The following TRPM3 variants were observed in gnomAD, a reference collection of about 807,000 sequenced individuals.
TRPM3 encodes long transient receptor potential channel 3.
TRPM3 carries 77 observed loss-of-function variants against 181.2 expected under a neutral mutation model. The ratio of observed to expected loss-of-function variants is 0.42; its 90% CI spans 0.35 to 0.51. TRPM3 has a LOEUF of 0.51. Ranked by LOEUF, TRPM3 falls within the 20% of genes least tolerant of loss-of-function variation. The pLI is 0.01. For synonymous variants in TRPM3, 745 were observed against 796.4 expected (o/e 0.94, Z 1.09); for missense variants, 1,759 against 2,196.7 (o/e 0.80, Z 3.98).
intron 1 of TRPM3, among the ~76,000 whole-genome samples, chr9:70,901,293 G>A (rs2096382640): frequency 6.6e-6 from 1 of 152,150 alleles, no homozygotes; most frequent in African/African-American, 2.4e-5. Flanking sequence ...GGCCTTTTAA[G>A]CATTAGGTAA....
At chr9:70,785,805 C>A (rs962936835) in intron 6 of TRPM3, among the ~76,000 whole-genome samples, 1 of 152,074 alleles carries the variant, frequency 6.6e-6, no homozygotes, top group Non-Finnish European at 1.5e-5. Context: ...AAAGAATGAT[C>A]CAAAATGCCA....
chr9:71,446,421 A>C (rs2094204548), intron 1 of TRPM3, among the ~76,000 whole-genome samples: 1 of 152,110 alleles, frequency 6.6e-6, no homozygotes, highest in Admixed American at 6.5e-5. Context: ...CATGTTTTCA[A>C]TTTTTGCAGA....
At chr9:71,279,585 AGG>A (rs2084535929) in intron 1 of TRPM3, among the ~76,000 whole-genome samples, 1 of 152,150 alleles carries the variant, frequency 6.6e-6, no homozygotes, top group Admixed American at 6.5e-5. Flanking sequence ...GAGGGCTGTT[AGG>A]GACTCTATGA....
intron 9 of TRPM3, among the ~76,000 whole-genome samples, chr9:70,650,272 C>T (rs530690204): frequency 1.3e-5 from 2 of 152,218 alleles, no homozygotes; most frequent in South Asian, 2.1e-4. Context: ...ATGCAATTTG[C>T]CCATGTAACA....
chr9:71,236,954 T>C (rs557207205), intron 1 of TRPM3, among the ~76,000 whole-genome samples: 9 of 140,298 alleles, frequency 6.4e-5, no homozygotes, highest in African/African-American at 2.4e-4. Context: ...GGCTGAGGCA[T>C]AAGAATCGCT....
intron 1 of TRPM3, among the ~76,000 whole-genome samples, chr9:71,363,662 C>A (rs1172386594): frequency 6.6e-6 from 1 of 152,166 alleles, no homozygotes; most frequent in African/African-American, 2.4e-5. Flanking sequence ...TAAGCTAACT[C>A]ATTCTCACCC....
intron 7 of TRPM3, chr9:70,783,741 C>T: frequency 1.5e-6 from 1 of 647,602 alleles, no homozygotes; most frequent in Non-Finnish European, 1.9e-6. Flanking sequence ...CCAACCTGAA[C>T]CATCTGGTAC....
rs1182739439 is a variant in TRPM3, at chr9:70,890,979, A to G, written c.178-26468T>C. ...AACTAACCTAAAGAATTGTTCAGCA[A>G]TGGGACACAGGAAGGGGAACATCAC... On this transcript the variant is annotated intron_variant, in intron 1 of 25. Transcript: ENST00000677713. 1.3e-5 allele frequency among the ~76,000 whole-genome samples: 2 copies of G among 150,954 alleles called. 1 individual carries two copies. Among genetic ancestry groups the G allele is most frequent in the Non-Finnish European group, 3.0e-5 (2 of 67,734 alleles).
intron 1 of TRPM3, among the ~76,000 whole-genome samples, chr9:71,030,566 C>T (rs1360417082): frequency 2.0e-5 from 3 of 148,598 alleles, no homozygotes; most frequent in South Asian, 2.1e-4. Context: ...AGTGAGACCC[C>T]GTTCCAAAAA....
At chr9:70,552,622 G>A (rs1404088536) in intron 24 of TRPM3, among the ~76,000 whole-genome samples, 4 of 152,162 alleles carry the variant, frequency 2.6e-5, no homozygotes, top group Non-Finnish European at 5.9e-5. Context: ...AGAAAGACAT[G>A]AGGCTAAGAG....
intron 22 of TRPM3, among the ~76,000 whole-genome samples, chr9:70,580,790 T>C (rs572811099): frequency 2.6e-4 from 39 of 152,298 alleles, no homozygotes; most frequent in Admixed American, 7.2e-4. Context: ...CCGCCCTCCC[T>C]TTTCTCTTCC....
chr9:70,588,838 T>C (rs1372444295), intron 22 of TRPM3, among the ~76,000 whole-genome samples: 1 of 152,186 alleles, frequency 6.6e-6, no homozygotes, highest in East Asian at 1.9e-4. Context: ...ATTAAATCAT[T>C]TGGAGGACAG....
In TRPM3 at chr9:70,625,654, G is replaced by T; in HGVS notation, c.1633-137C>A. ...AAGAAAGAAACACAAGGCTAGACAG[G>T]GCAAATGCTATCACTCCCAGGCACT... On this transcript the variant is annotated intron_variant, in intron 12 of 25. Coordinates refer to ENST00000677713, the MANE Select transcript of TRPM3 (RefSeq NM_001366145.2). This position sits in a 1 kb window ranked among gnomAD's most constrained non-coding sequence, Gnocchi z 4.8. 1.2e-6 allele frequency: 1 copy of T among 835,420 alleles called. No homozygotes were observed. The highest frequency in any genetic ancestry group is 1.9e-6 in the Non-Finnish European group (1 of 532,012). The allele number at this position is 835,420 out of a possible 1,614,324, so 51.8% of individuals were successfully genotyped here. A position where few individuals can be genotyped will look rare whatever the true frequency, so the allele number is the denominator to read the frequency against.
At chr9:70,590,387 C>T (rs977367582) in intron 22 of TRPM3, among the ~76,000 whole-genome samples, 1 of 152,204 alleles carries the variant, frequency 6.6e-6, no homozygotes, top group Non-Finnish European at 1.5e-5. Flanking sequence ...TGAATCGTTT[C>T]ATAATATAGA....
Position 70,864,511 on chromosome 9 carries a change from C to T in TRPM3, c.178G>A (p.Ala60Thr), listed in dbSNP as rs370735884. The change falls in exon 2 of 26, where the codon GCT becomes ACT. Residue 60 changes from alanine (A) to threonine (T), a missense_variant and splice_region_variant. Transcript: ENST00000677713. ...GCTCTTTCTATCCAGGATTTCTGAG[C>T]CTGAAAAAGAAAACAAAAAAAAAAA... Reference protein sequence around the residue: ...AFLPSVRLLKAQKSWIERAFY... With the variant: ...AFLPSVRLLKTQKSWIERAFY... The T allele has an allele frequency of 1.9e-4, 195 of 1,046,538 alleles. 1 individual carries two copies. The highest frequency in any genetic ancestry group is 1.1e-3 in the Middle Eastern group (4 of 3,512). The allele number at this position is 1,046,538 out of a possible 1,614,324, so 64.8% of individuals were successfully genotyped here. A position where few individuals can be genotyped will look rare whatever the true frequency, so the allele number is the denominator to read the frequency against.
intron 1 of TRPM3, among the ~76,000 whole-genome samples, chr9:71,176,400 T>C (rs2077107854): frequency 6.6e-6 from 1 of 152,128 alleles, no homozygotes; most frequent in African/African-American, 2.4e-5. Context: ...ATAACATACT[T>C]TTTAATTGAA....
intron 3 of TRPM3, among the ~76,000 whole-genome samples, chr9:70,858,145 T>C (rs2095433866): frequency 6.6e-6 from 1 of 152,196 alleles, no homozygotes; most frequent in South Asian, 2.1e-4. Context: ...TCAACTTGGC[T>C]TCAAAAGTTA....
At chr9:70,900,721 G>C (rs2096372621) in intron 1 of TRPM3, among the ~76,000 whole-genome samples, 1 of 152,112 alleles carries the variant, frequency 6.6e-6, no homozygotes, top group Non-Finnish European at 1.5e-5. Context: ...CTATAAGACA[G>C]CACTTCTGAT....
At chr9:70,540,144 C>T (rs2042906528) in intron 25 of TRPM3, among the ~76,000 whole-genome samples, 1 of 152,196 alleles carries the variant, frequency 6.6e-6, no homozygotes, top group Admixed American at 6.5e-5. Context: ...GGCCAATAAA[C>T]TTTGTTAAGT....
Sources: allele counts gnomAD v4.1 joint callset (sites outside exome capture counted in the v4.1 genomes callset), GRCh38; gene constraint gnomAD v4.1.1; non-coding constraint Gnocchi (gnomAD v3.1); transcripts MANE v1.5; gene names NCBI Gene and HGNC (gene_info 2026-07-23, HGNC 2026-07-21).